The following GIGYF2 variants were observed in gnomAD, a reference collection of about 807,000 sequenced individuals.
GIGYF2 encodes the protein GRB10 interacting GYF protein 2, also known as GRB10-interacting GYF protein 2.
In GIGYF2, 25 loss-of-function variants were observed where a neutral mutation model predicts 208.1. That is an observed-to-expected ratio of 0.12 (90% CI 0.09 to 0.17). The LOEUF (loss-of-function observed/expected upper bound fraction) is 0.17, where lower values mean the gene tolerates loss of function less well. Ranked by LOEUF, GIGYF2 falls within the 10% of genes least tolerant of loss-of-function variation. GIGYF2 has a pLI of 1.00. For synonymous variants in GIGYF2, 534 were observed against 543.8 expected, an observed-to-expected ratio of 0.98 and a Z score of 0.25; for missense variants, 1,302 against 1,579.4, an observed-to-expected ratio of 0.82 and a Z score of 2.98.
rs181352345 is a variant in GIGYF2, at chr2:232,738,366, A to G, written c.41+3128A>G. On this transcript the variant is annotated intron_variant, in intron 3 of 28. Transcript: ENST00000373563. ...GTATATCCTGTCTACATATAAAGCA[A>G]TAGTGTCTTTCTTTAAGCCTTTCCT... is the stretch of plus-strand genomic sequence containing the variant. Among the ~76,000 whole-genome samples, 152 of 152,326 alleles carry G rather than the reference A, an allele frequency of 1.0e-3. 1 individual carries two copies. The highest frequency in any genetic ancestry group is 2.9e-3 in the African/African-American group (122 of 41,574).
intron 23 of GIGYF2, among the ~76,000 whole-genome samples, chr2:232,841,778 C>T (rs1701824813): frequency 6.6e-6 from 1 of 152,116 alleles, no homozygotes; most frequent in South Asian, 2.1e-4. Context: ...GGGCCTCTAA[C>T]CTGTTCCAAT....
chr2:232,798,790 G>GTTT lies in GIGYF2; in HGVS notation c.1639+2577_1639+2579dup, dbSNP rs137988140. On this transcript the variant is annotated intron_variant, in intron 14 of 28. Coordinates refer to ENST00000373563, the MANE Select transcript of GIGYF2 (RefSeq NM_001103146.3). ...TAATTGGATTGTTTGCTTATTTTAC[G>GTTT]TTTTTTTTTTAATTCATTTTAAATA... Among the ~76,000 whole-genome samples the GTTT allele has an allele frequency of 3.2e-3, 454 of 143,254 alleles. 1 individual carries two copies. Among genetic ancestry groups the GTTT allele is most frequent in the African/African-American group, 0.011 (439 of 39,346 alleles). The allele number at this position is 143,254 out of a possible 152,430, so 94.0% of individuals were successfully genotyped here.
chr2:232,733,091 C>T (rs1236191192), intron 2 of GIGYF2, among the ~76,000 whole-genome samples: 2 of 151,956 alleles, frequency 1.3e-5, no homozygotes, highest in Non-Finnish European at 2.9e-5. Flanking sequence ...CTTGTCTCTA[C>T]TAAAAATACA....
intron 2 of GIGYF2, among the ~76,000 whole-genome samples, chr2:232,704,886 G>A (rs548403935): frequency 1.1e-4 from 12 of 105,738 alleles, no homozygotes; most frequent in African/African-American, 3.7e-4. Context: ...TTGAGACAGA[G>A]TCTCGCTCTT....
chr2:232,778,616 A>T (rs149404202), intron 8 of GIGYF2, among the ~76,000 whole-genome samples: 2 of 152,186 alleles, frequency 1.3e-5, no homozygotes, highest in African/African-American at 4.8e-5. Context: ...TTGAGTCTAT[A>T]ATATAAAGCA....
chr2:232,788,614 G>A (rs1699986330), intron 9 of GIGYF2: 1 of 468,960 alleles, frequency 2.1e-6, no homozygotes, highest in Non-Finnish European at 4.4e-6. Context: ...AAGATGAACT[G>A]TGTTTTTTGA....
At position 232,793,059 on chromosome 2, in the gene GIGYF2, A is replaced by G. The variant is rs76174711; in HGVS notation, c.1282+1613A>G. 4.6e-3 allele frequency among the ~76,000 whole-genome samples: 702 copies of G among 152,290 alleles called. 2 individuals carry two copies. The highest frequency in any genetic ancestry group is 7.2e-3 in the Non-Finnish European group (488 of 68,020). On this transcript the variant is annotated intron_variant, in intron 12 of 28. Transcript: ENST00000373563. ...GGAATAATAAGTAGAATTTGGAGGT[A>G]AGTGTAGATAGATGAATTGGGAGAA...
chr2:232,717,507 TG>T (rs1159467117), intron 2 of GIGYF2, among the ~76,000 whole-genome samples: 1 of 152,208 alleles, frequency 6.6e-6, no homozygotes, highest in Non-Finnish European at 1.5e-5. Context: ...CCTCTTCCCA[TG>T]ATGAGTACTT....
At position 232,754,166 on chromosome 2, in the gene GIGYF2, A is replaced by G. The variant is rs1698442537; in HGVS notation, c.268-2057A>G. On this transcript the variant is annotated intron_variant, in intron 5 of 28. Transcript: ENST00000373563. ...GATGACAGAGCAAGACCCCGTCTCA[A>G]AAAAAAGAAAAAAAAAAAAGAAATA... 2.0e-5 allele frequency among the ~76,000 whole-genome samples: 3 copies of G among 148,938 alleles called. No homozygotes were observed. The South Asian group carries it at 6.8e-4, about 34-fold the overall frequency.
chr2:232,858,679 A>G lies in GIGYF2; in HGVS notation c.*1819A>G, dbSNP rs999761985. 7.5e-6 allele frequency: 3 copies of G among 397,626 alleles called. No individual in the cohort carries two copies. Among genetic ancestry groups the G allele is most frequent in the Non-Finnish European group, 1.5e-5 (3 of 202,878 alleles). The allele number at this position is 397,626 out of a possible 1,614,324, so 24.6% of individuals were successfully genotyped here. ...TTATGGAGGCTGAGTTCTGCACTAA[A>G]CTGTTCCTCTTGGTACCATGGAAAA... On this transcript the variant is annotated 3_prime_UTR_variant, in exon 29 of 29. Transcript: ENST00000373563.
In GIGYF2 at chr2:232,806,009, A is replaced by T. The variant is rs1046380705; in HGVS notation, c.1640-482A>T. Reference sequence around the variant, plus strand: ...TTTCATATTATAAAACATTTAGAGAATACTCGTTTTTTCCCCACTACCAAG... The same window carrying T: ...TTTCATATTATAAAACATTTAGAGATTACTCGTTTTTTCCCCACTACCAAG... On this transcript the variant is annotated intron_variant, in intron 14 of 28. Transcript: ENST00000373563. This position sits in a 1 kb window ranked among gnomAD's most constrained non-coding sequence, Gnocchi z 4.0. 3.3e-5 allele frequency among the ~76,000 whole-genome samples: 3 copies of T among 91,494 alleles called. No individual in the cohort carries two copies. The highest frequency in any genetic ancestry group is 1.2e-4 in the African/African-American group (3 of 26,002). 60.0% of individuals were successfully genotyped at this position (91,494 alleles called of 152,430 possible).
At chr2:232,838,416 G>A (rs1042469598) in intron 22 of GIGYF2, among the ~76,000 whole-genome samples, 1 of 152,128 alleles carries the variant, frequency 6.6e-6, no homozygotes, top group African/African-American at 2.4e-5. Context: ...TGCCCGTGAG[G>A]ATAGATGGCC....
At chr2:232,827,841 C>G (rs370381245) in intron 21 of GIGYF2, among the ~76,000 whole-genome samples, 3 of 152,118 alleles carry the variant, frequency 2.0e-5, no homozygotes, top group African/African-American at 7.2e-5. Context: ...CTGAGCATTA[C>G]TTTAATTACG....
chr2:232,777,276 T>A (rs958562871), intron 8 of GIGYF2, among the ~76,000 whole-genome samples: 11 of 152,220 alleles, frequency 7.2e-5, no homozygotes, highest in Non-Finnish European at 1.6e-4. Flanking sequence ...ATCAGTGTGA[T>A]GAAGTATAGT....
chr2:232,729,553 G>T, intron 2 of GIGYF2: 2 of 1,391,642 alleles, frequency 1.4e-6, no homozygotes, highest in South Asian at 2.6e-5. Context: ...CCACATCCAT[G>T]GACTGCACAT....
At position 232,697,615 on chromosome 2, in the gene GIGYF2, C is replaced by T. The variant is rs4144794; in HGVS notation, c.-110+223C>T. Among the ~76,000 whole-genome samples, 12,693 of 152,208 alleles carry T rather than the reference C, an allele frequency of 0.083. 675 individuals are homozygous for T. The highest frequency in any genetic ancestry group is 0.15 in the East Asian group (794 of 5,164). On this transcript the variant is annotated intron_variant, in intron 1 of 28. Coordinates refer to ENST00000373563, the MANE Select transcript of GIGYF2 (RefSeq NM_001103146.3). ...GGGCCGGAGGGAGCCTCCTCCTGGG[C>T]GAGGGGCGCTGAGGGCCCTGGCGCG...
Position 232,812,451 on chromosome 2 carries a change from C to G in GIGYF2, c.2067C>G (p.Gly689=), listed in dbSNP as rs774440871. ...VTRSVSVPDT[G]SIWELQPTAS... ...GGTCTGTGTCCGTGCCAGATACTGG[C>G]TCTATCTGGGAGCTTCAGCCAACAG... The change falls in exon 18 of 29, where the codon GGC becomes GGG. Residue 689 remains glycine, a synonymous_variant. Coordinates refer to ENST00000373563, the MANE Select transcript of GIGYF2 (RefSeq NM_001103146.3). The G allele has an allele frequency of 2.6e-6, 4 of 1,552,908 alleles. No homozygotes were observed. The highest frequency in any genetic ancestry group is 1.1e-5 in the South Asian group (1 of 89,872).
At chr2:232,726,899 T>A (rs1490151257) in intron 2 of GIGYF2, among the ~76,000 whole-genome samples, 2 of 152,234 alleles carry the variant, frequency 1.3e-5, no homozygotes, top group Non-Finnish European at 2.9e-5. Context: ...TAAAAGGTTG[T>A]TTATTGCAGC....
chr2:232,816,432 T>C (rs897457757), intron 19 of GIGYF2, among the ~76,000 whole-genome samples: 8 of 152,226 alleles, frequency 5.3e-5, no homozygotes, highest in Admixed American at 4.6e-4. Context: ...ATAGCCACAC[T>C]GTTAAATGTT....
Sources: allele counts gnomAD v4.1 joint callset (sites outside exome capture counted in the v4.1 genomes callset), GRCh38; gene constraint gnomAD v4.1.1; non-coding constraint Gnocchi (gnomAD v3.1); transcripts MANE v1.5; gene names NCBI Gene and HGNC (gene_info 2026-07-23, HGNC 2026-07-21).